The following MEGF10 variants were observed in gnomAD, a reference collection of about 807,000 sequenced individuals.
MEGF10 encodes multiple epidermal growth factor-like domains protein 10.
Under a neutral mutation model 147.5 loss-of-function variants are expected in MEGF10, and 86 were observed. The ratio of observed to expected loss-of-function variants is 0.58; its 90% CI spans 0.49 to 0.70. The LOEUF is 0.70. Ranked by LOEUF, MEGF10 falls within the 30% of genes least tolerant of loss-of-function variation. MEGF10 has a pLI of 0.00. For missense variants in MEGF10, 1,329 were observed against 1,487.3 expected, an observed-to-expected ratio of 0.89 and a Z score of 1.75; for synonymous variants, 478 against 525.5, an observed-to-expected ratio of 0.91 and a Z score of 1.24.
chr5:127,422,522 AG>A, intron 12 of MEGF10, 147 bp from the exon 13 acceptor site: 11 of 614,462 alleles, frequency 1.8e-5, no homozygotes, highest in Non-Finnish European at 2.9e-5. Flanking sequence ...TCAAAAAAAA[AG>A]AAAAAAATAA....
chr5:127,369,481 A>G (rs1204656254), intron 4 of MEGF10, among the ~76,000 whole-genome samples: 1 of 152,054 alleles, frequency 6.6e-6, no homozygotes, highest in Non-Finnish European at 1.5e-5. Context: ...TGTATTATGT[A>G]AAAAAAATCA....
intron 8 of MEGF10, among the ~76,000 whole-genome samples, chr5:127,403,980 A>T (rs1160075557): frequency 6.6e-6 from 1 of 152,186 alleles, no homozygotes; most frequent in African/African-American, 2.4e-5. Flanking sequence ...GCTGGATCAT[A>T]AGGTAGCTCA....
At chr5:127,295,819 A>G (rs1759471785) in intron 1 of MEGF10, among the ~76,000 whole-genome samples, 1 of 152,192 alleles carries the variant, frequency 6.6e-6, no homozygotes, top group Non-Finnish European at 1.5e-5. Context: ...TCTGGTTTTA[A>G]TAATTAGTTT....
At chr5:127,395,522 G>A (rs1317809816) in intron 5 of MEGF10, among the ~76,000 whole-genome samples, 2 of 123,358 alleles carry the variant, frequency 1.6e-5, no homozygotes, top group African/African-American at 5.9e-5. Flanking sequence ...AAACACAGAT[G>A]TTTTGACTGA....
intron 22 of MEGF10, among the ~76,000 whole-genome samples, chr5:127,453,401 T>G (rs1766229913): frequency 6.6e-6 from 1 of 152,160 alleles, no homozygotes; most frequent in South Asian, 2.1e-4. Context: ...TTGGAGTGCT[T>G]AAGGAAAGAC....
the MEGF10 span, among the ~76,000 whole-genome samples, chr5:127,238,336 G>A: frequency 1.1e-4 from 17 of 152,106 alleles, no homozygotes; most frequent in Admixed American, 5.9e-4. Flanking sequence ...GATTACAGGT[G>A]TGAGCCACCA....
intron 11 of MEGF10, among the ~76,000 whole-genome samples, chr5:127,419,777 C>T (rs1247142748): frequency 6.6e-6 from 1 of 152,172 alleles, no homozygotes; most frequent in African/African-American, 2.4e-5. Context: ...GGTGCTTTGA[C>T]TCTATATCTC....
chr5:127,329,284 C>A (rs924992642), intron 1 of MEGF10, among the ~76,000 whole-genome samples: 1 of 152,016 alleles, frequency 6.6e-6, no homozygotes. Context: ...TTGAAATATC[C>A]TTTTTAAGAT....
At chr5:127,297,183 T>C (rs1373842932) in intron 1 of MEGF10, among the ~76,000 whole-genome samples, 1 of 152,168 alleles carries the variant, frequency 6.6e-6, no homozygotes, top group Non-Finnish European at 1.5e-5. Context: ...GCCAGGCTGG[T>C]CTCGAACTCC....
At chr5:127,348,800 C>T (rs898218301) in intron 4 of MEGF10, among the ~76,000 whole-genome samples, 7 of 152,090 alleles carry the variant, frequency 4.6e-5, no homozygotes, top group African/African-American at 1.7e-4. Context: ...AAATGGAATT[C>T]GTACATTTAA....
the MEGF10 span, among the ~76,000 whole-genome samples, chr5:127,276,878 G>A: frequency 6.6e-6 from 1 of 152,162 alleles, no homozygotes; most frequent in South Asian, 2.1e-4. Context: ...GTGTGTTGGG[G>A]AAGGGGTGAT....
At chr5:127,420,237 A>G (rs1764946225) in intron 12 of MEGF10, 30 bp downstream of exon 12, 3 of 1,607,570 alleles carry the variant, frequency 1.9e-6, no homozygotes, top group East Asian at 4.5e-5. Flanking sequence ...CTGACGGAAA[A>G]CGCCTATGAG....
chr5:127,366,257 T>C (rs1762647986), intron 4 of MEGF10, among the ~76,000 whole-genome samples: 1 of 152,182 alleles, frequency 6.6e-6, no homozygotes, highest in Non-Finnish European at 1.5e-5. Flanking sequence ...TATAGCTTAC[T>C]CTGCCTTCCT....
chr5:127,333,510 CA>C (rs5871249), intron 2 of MEGF10, among the ~76,000 whole-genome samples: 6,705 of 98,162 alleles, frequency 0.068, 231 homozygotes, highest in South Asian at 0.12. Context: ...GACCCTGCCT[CA>C]AAAAAAATAA....
chr5:127,395,076 T>C (rs1447650502), intron 5 of MEGF10, among the ~76,000 whole-genome samples: 1 of 152,226 alleles, frequency 6.6e-6, no homozygotes, highest in Non-Finnish European at 1.5e-5. Context: ...ATGAAACTTT[T>C]TTTTAATTGT....
the MEGF10 span, among the ~76,000 whole-genome samples, chr5:127,247,431 G>A: frequency 2.0e-5 from 2 of 100,464 alleles, no homozygotes; most frequent in African/African-American, 5.1e-5. Context: ...AGAAGAAGAA[G>A]AAGAAGAAGA....
chr5:127,437,623 C>T (rs72790424), intron 16 of MEGF10, among the ~76,000 whole-genome samples: 18,883 of 152,186 alleles, frequency 0.12, 1,318 homozygotes, highest in South Asian at 0.2. Flanking sequence ...TGATCTTATG[C>T]TATTATTTCA....
intron 4 of MEGF10, among the ~76,000 whole-genome samples, chr5:127,357,598 A>C: frequency 6.8e-6 from 1 of 147,534 alleles, no homozygotes. Flanking sequence ...AAAATAAATA[A>C]ATAAATAAAT....
intron 7 of MEGF10, 63 bp from the exon 8 acceptor site, chr5:127,402,483 A>T: frequency 6.5e-7 from 1 of 1,547,434 alleles, no homozygotes; most frequent in Non-Finnish European, 8.8e-7. Context: ...TTTCTTCTTC[A>T]TCCATCAGTT....
Sources: allele counts gnomAD v4.1 joint callset (sites outside exome capture counted in the v4.1 genomes callset), GRCh38; gene constraint gnomAD v4.1.1; transcripts MANE v1.5; gene names NCBI Gene and HGNC (gene_info 2026-07-23, HGNC 2026-07-21).